LUZP1: variants seen among roughly 807,000 people sequenced by gnomAD.
LUZP1 encodes the protein leucine zipper protein 1.
In LUZP1, 25 loss-of-function variants were observed where a neutral mutation model predicts 71.3. The ratio of observed to expected loss-of-function variants is 0.35; its 90% CI spans 0.26 to 0.49. The LOEUF (loss-of-function observed/expected upper bound fraction) is 0.49. Ranked by LOEUF, LUZP1 falls within the 20% of genes least tolerant of loss-of-function variation. LUZP1 has a pLI of 0.99. For synonymous variants in LUZP1, 481 were observed against 506.4 expected, an observed-to-expected ratio of 0.95 and a Z score of 0.67; for missense variants, 1,142 against 1,300.8, an observed-to-expected ratio of 0.88 and a Z score of 1.88.
At chr1:23,112,232 C>A (rs1257207189) in intron 2 of LUZP1, among the ~76,000 whole-genome samples, 6 of 152,218 alleles carry the variant, frequency 3.9e-5, no homozygotes, top group Non-Finnish European at 1.5e-5. Flanking sequence ...CTGTAAACAT[C>A]CTCAAATTCC....
chr1:23,084,495 C>T (rs1643728875), exon 5 of LUZP1: 1 of 152,090 alleles, frequency 6.6e-6, no homozygotes, highest in South Asian at 2.1e-4. Flanking sequence ...GATGTTCTGC[C>T]TCATCCCAGC....
chr1:23,171,007 T>C (rs1644549061), intron 1 of LUZP1, among the ~76,000 whole-genome samples: 1 of 151,502 alleles, frequency 6.6e-6, no homozygotes. Context: ...GGAGGATCCC[T>C]TGAACCTGGG....
intron 3 of LUZP1, among the ~76,000 whole-genome samples, chr1:23,095,012 T>C (rs749878235): frequency 6.6e-6 from 1 of 152,118 alleles, no homozygotes; most frequent in Non-Finnish European, 1.5e-5. Flanking sequence ...CAGGTGTGAG[T>C]TGGCCCGACC....
intron 2 of LUZP1, among the ~76,000 whole-genome samples, chr1:23,130,525 C>CTT (rs748312616): frequency 0.011 from 1,257 of 117,158 alleles, 37 homozygotes; most frequent in African/African-American, 0.033. Context: ...TAACAGTTAT[C>CTT]TTTTTTTTTT....
intron 3 of LUZP1, among the ~76,000 whole-genome samples, chr1:23,096,599 TAAAAAGA>T (rs959198507): frequency 1.3e-5 from 2 of 151,928 alleles, no homozygotes; most frequent in East Asian, 1.9e-4. Flanking sequence ...AGAAAATCTT[TAAAAAGA>T]AAAAAGAAAA....
chr1:23,153,450 A>G (rs1213325996), intron 2 of LUZP1, among the ~76,000 whole-genome samples: 4 of 152,332 alleles, frequency 2.6e-5, no homozygotes, highest in Non-Finnish European at 5.9e-5. Context: ...AACTGCCTGC[A>G]TGAAGCCCTC....
intron 1 of LUZP1, among the ~76,000 whole-genome samples, chr1:23,176,206 C>T (rs1195166445): frequency 6.6e-6 from 1 of 151,972 alleles, no homozygotes; most frequent in Admixed American, 6.6e-5. Context: ...GGATTATAGG[C>T]GTGCGCCACC....
intron 2 of LUZP1, among the ~76,000 whole-genome samples, chr1:23,145,424 C>T (rs1011902647): frequency 6.6e-5 from 10 of 150,698 alleles, no homozygotes; most frequent in African/African-American, 1.9e-4. Context: ...CGTGAACTAA[C>T]GTATTATCTC....
intron 3 of LUZP1, among the ~76,000 whole-genome samples, chr1:23,105,222 G>T (rs1353387914): frequency 6.6e-6 from 1 of 152,166 alleles, no homozygotes; most frequent in African/African-American, 2.4e-5. Context: ...TAAAAGGGTG[G>T]GATGGATGAA....
At chr1:23,096,004 A>G (rs1286607247) in intron 3 of LUZP1, among the ~76,000 whole-genome samples, 1 of 152,196 alleles carries the variant, frequency 6.6e-6, no homozygotes, top group Non-Finnish European at 1.5e-5. Context: ...CAAAACACAT[A>G]AAGATCCATC....
chr1:23,090,624 G>A (rs1643837231), intron 4 of LUZP1: 2 of 553,952 alleles, frequency 3.6e-6, no homozygotes, highest in Admixed American at 6.1e-5. Context: ...CAGCTGTCTG[G>A]GGGGCAAAAG....
intron 2 of LUZP1, among the ~76,000 whole-genome samples, chr1:23,134,245 C>A (rs1179996584): frequency 6.6e-6 from 1 of 152,158 alleles, no homozygotes; most frequent in Non-Finnish European, 1.5e-5. Flanking sequence ...CTCTGGTAGC[C>A]CAAGTCAGGA....
chr1:23,142,698 T>TACACAC (rs758077526), intron 2 of LUZP1, among the ~76,000 whole-genome samples: 48 of 101,478 alleles, frequency 4.7e-4, no homozygotes, highest in Middle Eastern at 5.3e-3. Flanking sequence ...TATATATATA[T>TACACAC]ATACACACAC....
At chr1:23,173,343 G>GTTTT (rs1557704121) in intron 1 of LUZP1, among the ~76,000 whole-genome samples, 5 of 102,716 alleles carry the variant, frequency 4.9e-5, no homozygotes, top group Non-Finnish European at 1.0e-4. Context: ...TTTTGTTTTT[G>GTTTT]TTTTTTCTTT....
intron 2 of LUZP1, among the ~76,000 whole-genome samples, chr1:23,131,324 A>C (rs1229293827): frequency 6.6e-6 from 1 of 151,014 alleles, no homozygotes; most frequent in Non-Finnish European, 1.5e-5. Context: ...TTCAAGTCAC[A>C]GTTCAAATAT....
chr1:23,144,178 C>T (rs945149783), intron 2 of LUZP1, among the ~76,000 whole-genome samples: 6 of 152,314 alleles, frequency 3.9e-5, no homozygotes, highest in Admixed American at 3.9e-4. Context: ...CTCAAAGACT[C>T]TTCTTTTCAG....
At chr1:23,144,703 A>G (rs1361309671) in intron 2 of LUZP1, among the ~76,000 whole-genome samples, 2 of 152,160 alleles carry the variant, frequency 1.3e-5, no homozygotes, top group Non-Finnish European at 2.9e-5. Context: ...AGAATAAAAA[A>G]CCAAAAGAAG....
chr1:23,139,945 G>A (rs556481464), intron 2 of LUZP1, among the ~76,000 whole-genome samples: 19 of 143,898 alleles, frequency 1.3e-4, no homozygotes, highest in African/African-American at 4.4e-4. Flanking sequence ...GCAAAATTCT[G>A]TCTCAAGAAA....
chr1:23,092,110 C>T, exon 4 of LUZP1: 12 of 1,614,202 alleles, frequency 7.4e-6, no homozygotes, highest in Non-Finnish European at 8.5e-6. Context: ...ACAGATTTCA[C>T]AGATTCATTC....
Sources: allele counts gnomAD v4.1 joint callset (sites outside exome capture counted in the v4.1 genomes callset), GRCh38; gene constraint gnomAD v4.1.1; transcripts MANE v1.5; gene names NCBI Gene and HGNC (gene_info 2026-07-23, HGNC 2026-07-21).